The following NRG3 variants were observed in gnomAD, a reference collection of about 807,000 sequenced individuals.
NRG3 encodes neuregulin 3, also known as pro-neuregulin-3, membrane-bound isoform.
Under a neutral mutation model 66.9 loss-of-function variants are expected in NRG3, and 31 were observed. That is an observed-to-expected ratio of 0.46 (90% CI 0.35 to 0.63). The LOEUF is 0.63. Ranked by LOEUF, NRG3 falls within the 20% of genes least tolerant of loss-of-function variation. The probability of loss-of-function intolerance (pLI) is 0.00; values close to 1 mark genes in which losing one functional copy is unlikely to be tolerated. For missense variants in NRG3, 910 were observed against 878.9 expected (o/e 1.04, Z -0.45); for synonymous variants, 393 against 359.4 (o/e 1.09, Z -1.06).
chr10:82,104,146 A>T (rs1315280953), intron 1 of NRG3, among the ~76,000 whole-genome samples: 1 of 152,154 alleles, frequency 6.6e-6, no homozygotes, highest in African/African-American at 2.4e-5. Flanking sequence ...ACTTTTCAGA[A>T]GTAATTTTCT....
intron 1 of NRG3, among the ~76,000 whole-genome samples, chr10:82,315,497 C>T (rs1236259024): frequency 1.6e-5 from 2 of 122,536 alleles, no homozygotes; most frequent in African/African-American, 6.2e-5. Flanking sequence ...CTGAAGCTGG[C>T]AGGAAATTAG....
intron 2 of NRG3, among the ~76,000 whole-genome samples, chr10:82,515,811 T>C (rs775027142): frequency 2.0e-5 from 3 of 152,186 alleles, no homozygotes; most frequent in Non-Finnish European, 4.4e-5. Context: ...AAGTTTATAG[T>C]ATCCCCATTC....
In NRG3 at chr10:82,486,628, G is replaced by A. The variant is rs1460062063; in HGVS notation, c.953+127760G>A. Among the ~76,000 whole-genome samples, 7 of 152,142 alleles carry A rather than the reference G, an allele frequency of 4.6e-5. No individual in the cohort carries two copies. In the East Asian group the frequency reaches 1.4e-3, roughly 30 times the overall value. ...AGGGTTTCACCATGTTGGCGAGGCT[G>A]GTCTCGAACTCCTGACCTCGTGATC... On this transcript the variant is annotated intron_variant, in intron 2 of 8. Coordinates refer to ENST00000372141, the MANE Select transcript of NRG3 (RefSeq NM_001010848.4).
chr10:82,834,993 A>T (rs141229175), intron 3 of NRG3, among the ~76,000 whole-genome samples: 35 of 152,242 alleles, frequency 2.3e-4, no homozygotes, highest in African/African-American at 8.4e-4. Context: ...TCTATCTGTT[A>T]TGTCATTAAG....
At chr10:82,070,966 A>T (rs1205513367) in intron 1 of NRG3, among the ~76,000 whole-genome samples, 1 of 152,214 alleles carries the variant, frequency 6.6e-6, no homozygotes, top group Non-Finnish European at 1.5e-5. Flanking sequence ...TTGGACATGT[A>T]TGCAGTTATT....
At chr10:82,760,488 T>G (rs1246857407) in intron 3 of NRG3, among the ~76,000 whole-genome samples, 1 of 152,118 alleles carries the variant, frequency 6.6e-6, no homozygotes, top group Admixed American at 6.6e-5. Context: ...AAAACATTAC[T>G]CTGATAATTA....
chr10:82,764,382 T>A (rs2059438071), intron 3 of NRG3, among the ~76,000 whole-genome samples: 1 of 151,374 alleles, frequency 6.6e-6, no homozygotes, highest in Non-Finnish European at 1.5e-5. Context: ...AAATTTTTTT[T>A]TTTTTTTTTT....
chr10:82,851,147 A>G (rs544542708), intron 3 of NRG3, among the ~76,000 whole-genome samples: 53 of 152,294 alleles, frequency 3.5e-4, no homozygotes, highest in African/African-American at 1.3e-3. Context: ...ATTATTTTTT[A>G]TTATTTAAAT....
chr10:82,543,348 A>C (rs2043674362), intron 2 of NRG3, among the ~76,000 whole-genome samples: 1 of 152,184 alleles, frequency 6.6e-6, no homozygotes, highest in Non-Finnish European at 1.5e-5. Flanking sequence ...CTGATGGGGC[A>C]TCATGTCAAC....
intron 3 of NRG3, among the ~76,000 whole-genome samples, chr10:82,820,157 G>T (rs977942113): frequency 1.7e-4 from 26 of 152,132 alleles, no homozygotes; most frequent in Non-Finnish European, 3.5e-4. Flanking sequence ...CCTTAAAGGG[G>T]AATTGACACT....
At chr10:82,947,415 G>T (rs1383442523) in intron 4 of NRG3, among the ~76,000 whole-genome samples, 1 of 152,006 alleles carries the variant, frequency 6.6e-6, no homozygotes, top group South Asian at 2.1e-4. Context: ...AAGTTTCTAT[G>T]AACATTGGGT....
intron 2 of NRG3, among the ~76,000 whole-genome samples, chr10:82,730,417 T>A (rs1465494276): frequency 1.3e-5 from 2 of 152,200 alleles, no homozygotes; most frequent in Admixed American, 6.5e-5. Flanking sequence ...TAAGATATAA[T>A]TCCATTAGCA....
chr10:82,650,503 C>G, intron 2 of NRG3, among the ~76,000 whole-genome samples: 1 of 152,166 alleles, frequency 6.6e-6, no homozygotes. Flanking sequence ...GTCTCAACAG[C>G]TAATAAAAAT....
intron 4 of NRG3, among the ~76,000 whole-genome samples, chr10:82,920,028 T>C (rs1846270267): frequency 6.6e-6 from 1 of 152,118 alleles, no homozygotes; most frequent in African/African-American, 2.4e-5. Flanking sequence ...TGATTCAACA[T>C]GTAAGAAGAT....
At chr10:82,057,136 C>T (rs184347271) in intron 1 of NRG3, among the ~76,000 whole-genome samples, 1 of 152,168 alleles carries the variant, frequency 6.6e-6, no homozygotes, top group East Asian at 1.9e-4. Context: ...TTTTCCATCA[C>T]CCCTTATATG....
chr10:82,725,975 A>G (rs1257779265), intron 2 of NRG3, among the ~76,000 whole-genome samples: 7 of 152,132 alleles, frequency 4.6e-5, no homozygotes, highest in Admixed American at 3.3e-4. Flanking sequence ...GGGGAAAATT[A>G]AGGTTAAATG....
chr10:82,646,612 A>G (rs1387121077), intron 2 of NRG3, among the ~76,000 whole-genome samples: 1 of 152,188 alleles, frequency 6.6e-6, no homozygotes, highest in Non-Finnish European at 1.5e-5. Context: ...GTTGGTTAAG[A>G]CAGATTTTAT....
intron 1 of NRG3, among the ~76,000 whole-genome samples, chr10:82,007,040 T>C (rs370223795): frequency 1.1e-4 from 16 of 152,268 alleles, no homozygotes; most frequent in Non-Finnish European, 2.1e-4. Flanking sequence ...CATTTGGGCA[T>C]ATGAGCATGA....
intron 2 of NRG3, among the ~76,000 whole-genome samples, chr10:82,588,404 T>G (rs1217745656): frequency 6.6e-6 from 1 of 152,112 alleles, no homozygotes. Context: ...TTGCTCCCCC[T>G]TTGCCTTCCT....
Sources: allele counts gnomAD v4.1 joint callset (sites outside exome capture counted in the v4.1 genomes callset), GRCh38; gene constraint gnomAD v4.1.1; transcripts MANE v1.5; gene names NCBI Gene and HGNC (gene_info 2026-07-23, HGNC 2026-07-21).